Variants in RUNX2 observed in about 807,000 individuals in gnomAD.
The protein encoded by RUNX2 is runt-related transcription factor 2.
In RUNX2, 10 loss-of-function variants were observed where a neutral mutation model predicts 51.7. The observed-to-expected ratio is 0.19, with a 90% CI of 0.12 to 0.33. RUNX2 has a LOEUF of 0.33. Ranked by LOEUF, RUNX2 falls within the 10% of genes least tolerant of loss-of-function variation. The probability of loss-of-function intolerance (pLI) is 1.00; values close to 1 mark genes in which losing one functional copy is unlikely to be tolerated. For missense variants in RUNX2, 562 were observed against 691.3 expected, an observed-to-expected ratio of 0.81 and a Z score of 2.10; for synonymous variants, 276 against 273.6, an observed-to-expected ratio of 1.01 and a Z score of -0.09.
chr6:45,331,104 GGTGT>G (rs143223149), intron 2 of RUNX2, among the ~76,000 whole-genome samples: 118 of 149,714 alleles, frequency 7.9e-4, no homozygotes, highest in Middle Eastern at 3.4e-3. Flanking sequence ...TACAATGAGT[GGTGT>G]GTGTGTGTGT....
chr6:45,527,119 G>C (rs893380242), intron 7 of RUNX2, among the ~76,000 whole-genome samples: 5 of 152,178 alleles, frequency 3.3e-5, no homozygotes, highest in Non-Finnish European at 7.3e-5. Flanking sequence ...GAGGAAGGGA[G>C]GGCATTCTAG....
At chr6:45,459,323 T>C (rs1185891972) in intron 5 of RUNX2, among the ~76,000 whole-genome samples, 1 of 152,228 alleles carries the variant, frequency 6.6e-6, no homozygotes, top group Non-Finnish European at 1.5e-5. Flanking sequence ...TAACTGAATA[T>C]ACTTGAATTG....
In RUNX2 at chr6:45,546,920, A is replaced by T. The variant is rs747380594; in HGVS notation, c.1181A>T (p.Tyr394Phe). 1.2e-6 allele frequency: 2 copies of T among 1,613,846 alleles called. No individual in the cohort carries two copies. Among genetic ancestry groups the T allele is most frequent in the South Asian group, 2.2e-5 (2 of 91,066 alleles). The stretch of plus-strand genomic sequence containing the variant: ...CGCTTCTCCAACCCACGAATGCACT[A>T]TCCAGCCACCTTTACTTACACCCCG... ...ESRFSNPRMHYPATFTYTPPV... is the reference protein window; with the variant it reads ...ESRFSNPRMHFPATFTYTPPV... Residue 394 changes from tyrosine (Y) to phenylalanine (F), a missense_variant, in exon 9 of 9, where the codon TAT becomes TTT. Physicochemically the swap from Tyr to Phe is conservative, Grantham distance 22. Transcript: ENST00000647337.
chr6:45,545,342 G>A, intron 8 of RUNX2, 60 bp downstream of exon 8: 1 of 1,511,498 alleles, frequency 6.6e-7, no homozygotes, highest in Non-Finnish European at 8.9e-7. Flanking sequence ...CTGTCTGGTT[G>A]TTACTGTCCG....
rs540991748 is a variant in RUNX2, at chr6:45,368,835, A to G, written c.58+40051A>G. 8.5e-5 allele frequency among the ~76,000 whole-genome samples: 13 copies of G among 152,282 alleles called. No individual in the cohort carries two copies. The South Asian group carries it at 2.7e-3, about 32-fold the overall frequency. ...TTAATAGAAAACTTTTATAATTAGA[A>G]CATTTTTATTTTCATAAAATTCCAA... On this transcript the variant is annotated intron_variant, in intron 2 of 8. Coordinates refer to ENST00000647337, the MANE Select transcript of RUNX2 (RefSeq NM_001024630.4).
rs116827019 is a variant in RUNX2 at position 45,503,318 on chromosome 6, T to C, written c.860-8928T>C. Among the ~76,000 whole-genome samples, 812 of 152,342 alleles carry C rather than the reference T, an allele frequency of 5.3e-3. 2 individuals carry two copies. Among genetic ancestry groups the C allele is most frequent in the Admixed American group, 7.3e-3 (111 of 15,302 alleles). ...ATTCAACATTAATATTCCAAGTGCC[T>C]ACACAATACCAGAGTAGATACCTGA... On this transcript the variant is annotated intron_variant, in intron 6 of 8. Transcript: ENST00000647337.
At chr6:45,425,392 C>T (rs1798356981) in intron 3 of RUNX2, among the ~76,000 whole-genome samples, 1 of 152,146 alleles carries the variant, frequency 6.6e-6, no homozygotes, top group South Asian at 2.1e-4. Context: ...AAATTTTGCT[C>T]TTTGTTATTA....
intron 2 of RUNX2, among the ~76,000 whole-genome samples, chr6:45,343,368 G>A (rs1016808542): frequency 6.6e-6 from 1 of 152,100 alleles, no homozygotes; most frequent in African/African-American, 2.4e-5. Flanking sequence ...CACTTGATCT[G>A]TTTCAGAGTT....
intron 6 of RUNX2, among the ~76,000 whole-genome samples, chr6:45,505,025 C>T (rs1427418594): frequency 6.6e-6 from 1 of 152,208 alleles, no homozygotes; most frequent in Non-Finnish European, 1.5e-5. Flanking sequence ...ACACAGAAGC[C>T]TGCTGGCCGC....
At chr6:45,337,205 G>A (rs1464890382) in intron 2 of RUNX2, among the ~76,000 whole-genome samples, 1 of 151,514 alleles carries the variant, frequency 6.6e-6, no homozygotes, top group Non-Finnish European at 1.5e-5. Flanking sequence ...TTTCTAAACT[G>A]GCAAGACTAA....
At chr6:45,454,733 A>T (rs1196984765) in intron 5 of RUNX2, among the ~76,000 whole-genome samples, 1 of 152,142 alleles carries the variant, frequency 6.6e-6, no homozygotes, top group African/African-American at 2.4e-5. Context: ...CTCCAGCTGA[A>T]CCATAGCTGA....
At chr6:45,378,669 T>A (rs1265524284) in intron 2 of RUNX2, among the ~76,000 whole-genome samples, 2 of 152,168 alleles carry the variant, frequency 1.3e-5, no homozygotes, top group African/African-American at 4.8e-5. Context: ...GGCTTTTTTT[T>A]TTTTTTGGAC....
chr6:45,509,187 C>T (rs1801068899), intron 6 of RUNX2, among the ~76,000 whole-genome samples: 1 of 152,184 alleles, frequency 6.6e-6, no homozygotes, highest in Admixed American at 6.5e-5. Flanking sequence ...TCACAAGGCT[C>T]AGGCAGGGCC....
At chr6:45,461,744 G>A (rs1799481140) in intron 5 of RUNX2, among the ~76,000 whole-genome samples, 1 of 145,434 alleles carries the variant, frequency 6.9e-6, no homozygotes, top group African/African-American at 2.5e-5. Flanking sequence ...GATAGAATGA[G>A]GCTTACTATT....
Position 45,519,849 on chromosome 6 carries a change from A to T in RUNX2, c.1021+7442A>T, listed in dbSNP as rs111682922. Reference sequence around the variant, plus strand: ...GTGTGTGTGTGTGTATATATTTGAGATGGAGTTCGCTCTTGTTGCCCCTGC... The same window carrying T: ...GTGTGTGTGTGTGTATATATTTGAGTTGGAGTTCGCTCTTGTTGCCCCTGC... On this transcript the variant is annotated intron_variant, in intron 7 of 8. Coordinates refer to ENST00000647337, the MANE Select transcript of RUNX2 (RefSeq NM_001024630.4). 2.7e-3 allele frequency among the ~76,000 whole-genome samples: 392 copies of T among 144,098 alleles called. 6 individuals carry two copies. The highest frequency in any genetic ancestry group is 9.5e-3 in the African/African-American group (372 of 38,958). The allele number at this position is 144,098 out of a possible 152,430, so 94.5% of individuals were successfully genotyped here.
chr6:45,374,929 G>A (rs574552896), intron 2 of RUNX2, among the ~76,000 whole-genome samples: 279 of 152,246 alleles, frequency 1.8e-3, no homozygotes, highest in African/African-American at 6.5e-3. Flanking sequence ...ATTTCTGGCC[G>A]GGCACGGTGG....
intron 2 of RUNX2, among the ~76,000 whole-genome samples, chr6:45,367,033 G>GGGCT (rs1206216414): frequency 2.6e-5 from 4 of 152,182 alleles, no homozygotes; most frequent in African/African-American, 9.7e-5. Flanking sequence ...TGAGATGGAA[G>GGGCT]GGCTGGGCCC....
At chr6:45,346,634 C>A (rs1410923251) in intron 2 of RUNX2, among the ~76,000 whole-genome samples, 1 of 148,932 alleles carries the variant, frequency 6.7e-6, no homozygotes, top group East Asian at 2.0e-4. Context: ...GTGGTGCGAT[C>A]TCGGCTCACT....
intron 2 of RUNX2, chr6:45,422,339 T>A (rs1798222079): frequency 2.1e-6 from 1 of 473,236 alleles, no homozygotes; most frequent in African/African-American, 2.1e-5. Context: ...GGCAAAGATC[T>A]GCGCCTCCCG....
Sources: gnomAD v4.1 joint callset for allele counts (sites outside exome capture counted in the v4.1 genomes callset) on GRCh38, gnomAD v4.1.1 for gene constraint, MANE v1.5 for transcripts, NCBI Gene and HGNC (gene_info 2026-07-23, HGNC 2026-07-21) for gene names.